HSD17B3: variants seen among roughly 807,000 people sequenced by gnomAD.
The protein encoded by HSD17B3 is 17-beta-hydroxysteroid dehydrogenase type 3.
In HSD17B3, 29 loss-of-function variants were observed where a neutral mutation model predicts 41.1. The observed-to-expected ratio is 0.71, with a 90% CI of 0.53 to 0.96. The LOEUF is 0.96. HSD17B3 is among the 40% of genes least tolerant of loss of function. The pLI, the probability that HSD17B3 is intolerant of heterozygous loss-of-function variation, is 0.00. For missense variants in HSD17B3, 323 were observed against 374.6 expected, an observed-to-expected ratio of 0.86 and a Z score of 1.14; for synonymous variants, 126 against 145.6, an observed-to-expected ratio of 0.87 and a Z score of 0.97.
At position 96,250,445 on chromosome 9, in the gene HSD17B3, C is replaced by T. The variant is rs371515679; in HGVS notation, c.454-659G>A. On this transcript the variant is annotated intron_variant, in intron 5 of 10. Transcript: ENST00000375263. ...GCCCAAGCAGTCTGGCATTATCACC[C>T]GGTGCAGCAGACTCGGGGCTTACAC... is the stretch of plus-strand genomic sequence containing the variant. 9.5e-5 allele frequency: 101 copies of T among 1,064,710 alleles called. No homozygotes were observed. The Middle Eastern group carries it at 1.3e-3, about 13-fold the overall frequency. 66.0% of individuals were successfully genotyped at this position (1,064,710 alleles called of 1,614,324 possible).
chr9:96,248,480 T>C (rs554198293), intron 6 of HSD17B3, among the ~76,000 whole-genome samples: 6 of 152,370 alleles, frequency 3.9e-5, no homozygotes, highest in African/African-American at 1.4e-4. Flanking sequence ...CTGAGCCTTC[T>C]GCTAGTCTCC....
At chr9:96,272,903 A>T (rs189482264) in intron 2 of HSD17B3, among the ~76,000 whole-genome samples, 21 of 152,332 alleles carry the variant, frequency 1.4e-4, no homozygotes, top group Admixed American at 1.1e-3. Flanking sequence ...AACTACTGAT[A>T]TAATGACGTT....
At chr9:96,255,011 G>T in intron 2 of HSD17B3, 68 bp from the exon 3 acceptor site, 2 of 1,351,178 alleles carry the variant, frequency 1.5e-6, no homozygotes, top group Non-Finnish European at 2.1e-6. Context: ...GTGTTAAGGT[G>T]ACTTGGTCCT....
At chr9:96,265,539 C>T (rs924885766) in intron 2 of HSD17B3, among the ~76,000 whole-genome samples, 3 of 152,058 alleles carry the variant, frequency 2.0e-5, no homozygotes, top group South Asian at 2.1e-4. Context: ...AACATACTAC[C>T]GTGCTCTACT....
At chr9:96,241,981 G>A (rs1174187954) in intron 9 of HSD17B3, among the ~76,000 whole-genome samples, 1 of 115,660 alleles carries the variant, frequency 8.6e-6, no homozygotes. Flanking sequence ...AAGAAAGAAA[G>A]AAAGAAAGAA....
At chr9:96,240,302 C>A (rs773529379) in intron 10 of HSD17B3, among the ~76,000 whole-genome samples, 7 of 152,150 alleles carry the variant, frequency 4.6e-5, no homozygotes, top group Non-Finnish European at 1.0e-4. Context: ...ATGCACACAG[C>A]GTCATGTCCG....
chr9:96,296,814 G>T (rs1402853834), intron 2 of HSD17B3, among the ~76,000 whole-genome samples: 1 of 152,110 alleles, frequency 6.6e-6, no homozygotes, highest in East Asian at 1.9e-4. Flanking sequence ...GGCCAAAGCA[G>T]GCAGATAACT....
At chr9:96,294,319 T>C in intron 2 of HSD17B3, among the ~76,000 whole-genome samples, 1 of 152,026 alleles carries the variant, frequency 6.6e-6, no homozygotes, top group East Asian at 1.9e-4. Context: ...AAGCAAGAAT[T>C]CATCAAGGAC....
chr9:96,243,119 A>T (rs1836517944), intron 9 of HSD17B3, among the ~76,000 whole-genome samples: 1 of 152,232 alleles, frequency 6.6e-6, no homozygotes, highest in Admixed American at 6.5e-5. Context: ...GTGAACCCAC[A>T]GTGGATGTGT....
At position 96,240,751 on chromosome 9, in the gene HSD17B3, C is replaced by A; in HGVS notation, c.822+7G>T. 6.2e-7 allele frequency: 1 copy of A among 1,614,132 alleles called. No homozygotes were observed. Among genetic ancestry groups the A allele is most frequent in the Non-Finnish European group, 8.5e-7 (1 of 1,180,034 alleles). On this transcript the variant is annotated splice_region_variant and intron_variant, in intron 10 of 10. Coordinates refer to ENST00000375263, the MANE Select transcript of HSD17B3 (RefSeq NM_000197.2). ...TGGCTTCAAGAAAAGGAGAAGTTAT[C>A]AATTACCAAGATTTCATGGGCAAGG...
chr9:96,266,871 C>T (rs1826058308), intron 2 of HSD17B3, among the ~76,000 whole-genome samples: 1 of 152,044 alleles, frequency 6.6e-6, no homozygotes, highest in South Asian at 2.1e-4. Context: ...AGCAGGTGGC[C>T]TTCACTCTAC....
intron 2 of HSD17B3, among the ~76,000 whole-genome samples, chr9:96,259,520 A>C (rs182737121): frequency 1.3e-5 from 2 of 152,314 alleles, no homozygotes; most frequent in Admixed American, 1.3e-4. Flanking sequence ...CAGGAGTTCG[A>C]GACCAGCCTG....
intron 2 of HSD17B3, among the ~76,000 whole-genome samples, chr9:96,292,227 G>T (rs956940955): frequency 1.3e-5 from 2 of 151,992 alleles, no homozygotes; most frequent in East Asian, 1.9e-4. Context: ...TGAAAAAATT[G>T]AACAGAATCT....
intron 3 of HSD17B3, among the ~76,000 whole-genome samples, 159 bp from the exon 4 acceptor site, chr9:96,253,069 A>T (rs1408633534): frequency 6.6e-6 from 1 of 152,120 alleles, no homozygotes; most frequent in Non-Finnish European, 1.5e-5. Context: ...AAATGTTGGG[A>T]GGTGCTAAGA....
At chr9:96,287,385 C>CT (rs1826963529) in intron 2 of HSD17B3, among the ~76,000 whole-genome samples, 11 of 152,200 alleles carry the variant, frequency 7.2e-5, no homozygotes, top group Admixed American at 7.2e-4. Flanking sequence ...CCAACTGCTG[C>CT]AGAAATGTGA....
At position 96,287,225 on chromosome 9, in the gene HSD17B3, A is replaced by C. The variant is rs371061291; in HGVS notation, c.201+11191T>G. 2.6e-4 allele frequency among the ~76,000 whole-genome samples: 40 copies of C among 152,328 alleles called. 1 individual carries two copies. In the East Asian group the frequency reaches 7.3e-3, roughly 28 times the overall value. The stretch of plus-strand genomic sequence containing the variant: ...CTGTTGCCAGTGTTCCCCACTGGCC[A>C]ACCCAGCTGAAACCAGAGGCCAAGG... On this transcript the variant is annotated intron_variant, in intron 2 of 10. Coordinates refer to ENST00000375263, the MANE Select transcript of HSD17B3 (RefSeq NM_000197.2).
At chr9:96,283,296 C>T (rs370541937) in intron 2 of HSD17B3, among the ~76,000 whole-genome samples, 14 of 152,238 alleles carry the variant, frequency 9.2e-5, no homozygotes, top group East Asian at 1.9e-4. Context: ...TGAGCCACTG[C>T]GCCCAGCCAT....
In HSD17B3 at chr9:96,241,303, T is replaced by A. The variant is rs192504329; in HGVS notation, c.673-396A>T. On this transcript the variant is annotated intron_variant, in intron 9 of 10. Coordinates refer to ENST00000375263, the MANE Select transcript of HSD17B3 (RefSeq NM_000197.2). ...CCAAGTATTGCATGGGACATACTTATACTGAAAACTATTCATAGGCATCTG... is the reference window on the plus strand; with the variant it reads ...CCAAGTATTGCATGGGACATACTTAAACTGAAAACTATTCATAGGCATCTG... Among the ~76,000 whole-genome samples the A allele has an allele frequency of 6.6e-5, 10 of 152,360 alleles. No individual in the cohort carries two copies. In the East Asian group the frequency reaches 1.9e-3, roughly 29 times the overall value.
rs1401386704 is a variant in HSD17B3, at chr9:96,285,899, G to A, written c.201+12517C>T. ...AAGGGAGGGGAAAAATGTCAGAGGC[G>A]TTTGAACCAGAGCTACTCCATCTTA... On this transcript the variant is annotated intron_variant, in intron 2 of 10. Transcript: ENST00000375263. Among the ~76,000 whole-genome samples, 8 of 152,276 alleles carry A rather than the reference G, an allele frequency of 5.3e-5. No homozygotes were observed. In the East Asian group the frequency reaches 7.7e-4, roughly 15 times the overall value.
Sources: allele counts gnomAD v4.1 joint callset (sites outside exome capture counted in the v4.1 genomes callset), GRCh38; gene constraint gnomAD v4.1.1; transcripts MANE v1.5; gene names NCBI Gene and HGNC (gene_info 2026-07-23, HGNC 2026-07-21).